Variants in MAF observed in about 807,000 individuals in gnomAD.
MAF encodes the protein transcription factor Maf.
In MAF, 10 loss-of-function variants were observed where a neutral mutation model predicts 22.0. That is an observed-to-expected ratio of 0.45 (90% CI 0.28 to 0.77). The LOEUF is 0.77. MAF is among the 30% of genes least tolerant of loss of function. MAF has a pLI of 0.12. For synonymous variants in MAF, 337 were observed against 255.8 expected, an observed-to-expected ratio of 1.32 and a Z score of -3.03; for missense variants, 544 against 548.4, an observed-to-expected ratio of 0.99 and a Z score of 0.08.
chr16:79,319,470 C>G, the MAF span, among the ~76,000 whole-genome samples: 1 of 152,240 alleles, frequency 6.6e-6, no homozygotes, highest in African/African-American at 2.4e-5. Context: ...TAACACTGAC[C>G]TTCAGTCCCC....
At chr16:79,347,333 C>T in the MAF span, among the ~76,000 whole-genome samples, 7 of 152,216 alleles carry the variant, frequency 4.6e-5, no homozygotes, top group South Asian at 2.1e-4. Context: ...CCCGGGGCCT[C>T]ACCTAGTGAG....
At chr16:79,363,204 G>C in the MAF span, among the ~76,000 whole-genome samples, 1 of 151,948 alleles carries the variant, frequency 6.6e-6, no homozygotes, top group South Asian at 2.1e-4. Flanking sequence ...GGGTAGGGGG[G>C]TGGGGAAAGT....
the MAF span, among the ~76,000 whole-genome samples, chr16:79,365,299 A>G: frequency 2.0e-5 from 3 of 152,156 alleles, no homozygotes; most frequent in African/African-American, 4.8e-5. Flanking sequence ...ATAATTCTCC[A>G]TGTAGCACTT....
chr16:79,480,776 A>G, the MAF span, among the ~76,000 whole-genome samples: 1 of 152,208 alleles, frequency 6.6e-6, no homozygotes, highest in Non-Finnish European at 1.5e-5. Context: ...AGGTGAGTGT[A>G]GAATAGATAA....
At chr16:79,561,000 C>T in the MAF span, among the ~76,000 whole-genome samples, 1 of 152,222 alleles carries the variant, frequency 6.6e-6, no homozygotes, top group Non-Finnish European at 1.5e-5. Flanking sequence ...CACTCTGCTA[C>T]CTCAATGCTG....
At chr16:79,443,351 A>C in the MAF span, among the ~76,000 whole-genome samples, 1 of 152,176 alleles carries the variant, frequency 6.6e-6, no homozygotes, top group South Asian at 2.1e-4. Context: ...CATGTTGACC[A>C]ATCAGAAGAT....
At chr16:79,238,585 G>A in the MAF span, among the ~76,000 whole-genome samples, 1 of 152,004 alleles carries the variant, frequency 6.6e-6, no homozygotes, top group Non-Finnish European at 1.5e-5. Context: ...AATGCCAGGT[G>A]CAAGACAGAA....
chr16:79,284,058 C>G, the MAF span, among the ~76,000 whole-genome samples: 1 of 151,182 alleles, frequency 6.6e-6, no homozygotes, highest in African/African-American at 2.4e-5. Context: ...TACCATGTTC[C>G]TCAACTACAA....
At chr16:79,374,688 G>A in the MAF span, among the ~76,000 whole-genome samples, 10 of 152,200 alleles carry the variant, frequency 6.6e-5, no homozygotes, top group Non-Finnish European at 1.2e-4. Flanking sequence ...CAGAATTCTA[G>A]GGGAAACAGA....
chr16:79,344,868 G>A, the MAF span, among the ~76,000 whole-genome samples: 1 of 152,072 alleles, frequency 6.6e-6, no homozygotes, highest in East Asian at 1.9e-4. Context: ...CTTCCATTTT[G>A]TTACATTTAG....
chr16:79,209,873 G>A, the MAF span, among the ~76,000 whole-genome samples: 1 of 152,222 alleles, frequency 6.6e-6, no homozygotes, highest in Admixed American at 6.5e-5. Flanking sequence ...ATAATTCAGT[G>A]AAAGGAAATT....
At chr16:79,489,005 T>G in the MAF span, among the ~76,000 whole-genome samples, 1 of 152,282 alleles carries the variant, frequency 6.6e-6, no homozygotes, top group South Asian at 2.1e-4. Context: ...GAGGGAGAGA[T>G]GAACTACCTC....
the MAF span, among the ~76,000 whole-genome samples, chr16:79,376,131 A>T: frequency 2.6e-5 from 4 of 152,198 alleles, no homozygotes; most frequent in Non-Finnish European, 5.9e-5. Context: ...GAGCAAAAAA[A>T]AATCACCAGA....
At chr16:79,515,122 C>T in the MAF span, among the ~76,000 whole-genome samples, 1 of 152,216 alleles carries the variant, frequency 6.6e-6, no homozygotes, top group African/African-American at 2.4e-5. Context: ...TGAGATGACA[C>T]AGGTAACATT....
chr16:79,541,154 T>C, the MAF span, among the ~76,000 whole-genome samples: 1 of 152,208 alleles, frequency 6.6e-6, no homozygotes, highest in East Asian at 1.9e-4. Context: ...GCTATAATTA[T>C]TGCTATCACA....
chr16:79,598,721 C>A, intron 1 of MAF, 64 bp downstream of exon 1: 1 of 1,607,540 alleles, frequency 6.2e-7, no homozygotes, highest in African/African-American at 1.3e-5. Flanking sequence ...CAAGCCCACA[C>A]CCGAGCCGGA....
chr16:79,425,747 T>A, the MAF span, among the ~76,000 whole-genome samples: 1 of 151,938 alleles, frequency 6.6e-6, no homozygotes, highest in Non-Finnish European at 1.5e-5. Flanking sequence ...CATTCCTATC[T>A]AATTCAGTCC....
chr16:79,391,123 C>A, the MAF span, among the ~76,000 whole-genome samples: 1 of 152,098 alleles, frequency 6.6e-6, no homozygotes, highest in Non-Finnish European at 1.5e-5. Context: ...TGCTCAGAAC[C>A]CAGCCTCTGG....
chr16:79,446,935 A>G, the MAF span, among the ~76,000 whole-genome samples: 3 of 152,094 alleles, frequency 2.0e-5, no homozygotes, highest in African/African-American at 7.2e-5. Context: ...TAAAAAAAAG[A>G]GAGAGAAAAA....
Sources: gnomAD v4.1 joint callset for allele counts (sites outside exome capture counted in the v4.1 genomes callset) on GRCh38, gnomAD v4.1.1 for gene constraint, MANE v1.5 for transcripts, NCBI Gene and HGNC (gene_info 2026-07-23, HGNC 2026-07-21) for gene names.